MSTO1: variants seen among roughly 807,000 people sequenced by gnomAD.
MSTO1 encodes the protein misato mitochondrial distribution and morphology regulator 1, also known as protein misato homolog 1.
Under a neutral mutation model 55.7 loss-of-function variants are expected in MSTO1, and 24 were observed. The ratio of observed to expected loss-of-function variants is 0.43; its 90% CI spans 0.31 to 0.61. MSTO1 has a LOEUF of 0.61. Ranked by LOEUF, MSTO1 falls within the 20% of genes least tolerant of loss-of-function variation. The probability of loss-of-function intolerance (pLI) is 0.09; values close to 1 mark genes in which losing one functional copy is unlikely to be tolerated. For synonymous variants in MSTO1, 162 were observed against 252.8 expected (o/e 0.64, Z 3.41); for missense variants, 363 against 625.7 (o/e 0.58, Z 4.48).
the MSTO1 span, among the ~76,000 whole-genome samples, chr1:155,595,081 T>C: frequency 1.4e-5 from 2 of 145,974 alleles, no homozygotes; most frequent in Admixed American, 1.4e-4. Flanking sequence ...GAGGGTGCAG[T>C]GAGCCAAGAT....
At chr1:155,581,679 G>A in the MSTO1 span, among the ~76,000 whole-genome samples, 1 of 152,154 alleles carries the variant, frequency 6.6e-6, no homozygotes. Context: ...TGGGATTACA[G>A]GCGTGAGCCA....
the MSTO1 span, among the ~76,000 whole-genome samples, chr1:155,576,475 C>T: frequency 6.6e-6 from 1 of 151,552 alleles, no homozygotes; most frequent in Non-Finnish European, 1.5e-5. Flanking sequence ...TACAGGTGCG[C>T]ACCACCACGC....
chr1:155,606,489 G>T (rs1178594037), upstream of MSTO1, among the ~76,000 whole-genome samples: 1 of 151,544 alleles, frequency 6.6e-6, no homozygotes. Context: ...CCGCCTCCCA[G>T]GTTCAAGAGA....
chr1:155,592,471 G>C, the MSTO1 span, among the ~76,000 whole-genome samples: 1 of 152,200 alleles, frequency 6.6e-6, no homozygotes, highest in Non-Finnish European at 1.5e-5. Flanking sequence ...TGGATATTTG[G>C]ATATTTCCCA....
upstream of MSTO1, chr1:155,610,075 A>C (rs1673486864): frequency 1.5e-6 from 1 of 655,742 alleles, no homozygotes; most frequent in Non-Finnish European, 2.5e-6. Flanking sequence ...GGACTGGGCC[A>C]CGTCTAGGAA....
chr1:155,596,150 GGT>G, the MSTO1 span, among the ~76,000 whole-genome samples: 1 of 152,180 alleles, frequency 6.6e-6, no homozygotes, highest in East Asian at 1.9e-4. Context: ...ATCTCAGCAG[GGT>G]GTGTTTTAAA....
chr1:155,609,758 G>A (rs2148980234), upstream of MSTO1: 1 of 168,092 alleles, frequency 5.9e-6, no homozygotes, highest in East Asian at 1.9e-4. Context: ...TGATAGCTAA[G>A]CCAGTCCACA....
the MSTO1 span, among the ~76,000 whole-genome samples, chr1:155,585,380 A>G: frequency 1.3e-5 from 2 of 152,094 alleles, no homozygotes; most frequent in South Asian, 2.1e-4. Flanking sequence ...AAAATTAGCC[A>G]GGCGTGGTGG....
chr1:155,585,020 A>C, the MSTO1 span, among the ~76,000 whole-genome samples: 2 of 151,852 alleles, frequency 1.3e-5, no homozygotes, highest in African/African-American at 4.8e-5. Context: ...CTCAGCCTCC[A>C]AAAGTGCTGA....
chr1:155,587,307 G>T, the MSTO1 span, among the ~76,000 whole-genome samples: 2 of 151,916 alleles, frequency 1.3e-5, no homozygotes, highest in African/African-American at 4.8e-5. Flanking sequence ...GGGCGTGGTG[G>T]CACGCGCTGG....
Position 155,614,014 on chromosome 1 carries a change from G to C in MSTO1, c.1499-45G>C, listed in dbSNP as rs1357301519. 4 of 1,606,630 alleles carry C rather than the reference G, an allele frequency of 2.5e-6. No homozygotes were observed. In the Admixed American group the frequency reaches 6.7e-5, roughly 27 times the overall value. ...ATCAGTTTGGCAGAGTCCCAGGGCAGAATAATCATCCATCTACAGGTCTCT... is the reference window on the plus strand; with the variant it reads ...ATCAGTTTGGCAGAGTCCCAGGGCACAATAATCATCCATCTACAGGTCTCT... On this transcript the variant is annotated intron_variant, in intron 13 of 13. Coordinates refer to ENST00000245564, the MANE Select transcript of MSTO1 (RefSeq NM_018116.4).
At chr1:155,580,694 G>A in the MSTO1 span, among the ~76,000 whole-genome samples, 371 of 152,092 alleles carry the variant, frequency 2.4e-3, 2 homozygotes, top group African/African-American at 8.4e-3. Flanking sequence ...CGAGGTGGGC[G>A]GATTGCCTGA....
the MSTO1 span, among the ~76,000 whole-genome samples, chr1:155,584,545 T>C: frequency 6.6e-6 from 1 of 150,544 alleles, no homozygotes; most frequent in Non-Finnish European, 1.5e-5. Context: ...GCAATGGGCA[T>C]GTATGGTCCC....
chr1:155,612,277 A>G lies in MSTO1; in HGVS notation c.774A>G (p.Ile258Met), dbSNP rs764968376. The change falls in exon 8 of 14, where the codon ATA becomes ATG. Residue 258 changes from isoleucine (I) to methionine (M), a missense_variant. This residue lies in a region of MSTO1 where 231 missense variants were observed against 286.9 expected (regional missense o/e 0.81). Transcript: ENST00000245564. ...LLQDEYSGRG[I>M]ITWGLLPGPY... Reference sequence around the variant, plus strand: ...AAGATGAATATTCAGGGCGGGGAATAATAACCTGGGGCCTGCTACCTGGTC... The same window carrying G: ...AAGATGAATATTCAGGGCGGGGAATGATAACCTGGGGCCTGCTACCTGGTC... 7 of 1,592,492 alleles carry G rather than the reference A, an allele frequency of 4.4e-6. No homozygotes were observed. Among genetic ancestry groups the G allele is most frequent in the South Asian group, 3.4e-5 (3 of 87,398 alleles).
chr1:155,599,029 G>T, the MSTO1 span: 1 of 595,350 alleles, frequency 1.7e-6, no homozygotes, highest in Non-Finnish European at 2.8e-6. Flanking sequence ...AAAAGCCTTT[G>T]CCAGTCACGA....
chr1:155,570,427 T>C, the MSTO1 span, among the ~76,000 whole-genome samples: 3 of 152,336 alleles, frequency 2.0e-5, no homozygotes, highest in East Asian at 5.8e-4. Context: ...TCATCGGCTT[T>C]TGACATCCAT....
chr1:155,572,894 C>T, the MSTO1 span, among the ~76,000 whole-genome samples: 3 of 152,190 alleles, frequency 2.0e-5, no homozygotes, highest in African/African-American at 7.2e-5. Context: ...AGGCGATCCA[C>T]CCGCCCTGGC....
At chr1:155,603,896 T>A in the MSTO1 span, among the ~76,000 whole-genome samples, 495 of 152,266 alleles carry the variant, frequency 3.3e-3, 3 homozygotes, top group Middle Eastern at 0.01. Context: ...ACAACAACTT[T>A]TTTTTTGGTA....
chr1:155,605,924 G>A (rs1440482453), upstream of MSTO1, among the ~76,000 whole-genome samples: 3 of 152,208 alleles, frequency 2.0e-5, no homozygotes, highest in South Asian at 6.2e-4. Flanking sequence ...TGTTTTTGAG[G>A]CCACTGTTAT....
Sources: allele counts gnomAD v4.1 joint callset (sites outside exome capture counted in the v4.1 genomes callset), GRCh38; gene constraint gnomAD v4.1.1; regional missense constraint gnomAD v4.1.1; transcripts MANE v1.5; gene names NCBI Gene and HGNC (gene_info 2026-07-23, HGNC 2026-07-21).